Variants in CADPS observed in about 807,000 individuals in gnomAD.
The protein encoded by CADPS is calcium dependent secretion activator, also known as calcium-dependent secretion activator 1.
In CADPS, 57 loss-of-function variants were observed where a neutral mutation model predicts 167.3. The observed-to-expected ratio is 0.34, with a 90% CI of 0.28 to 0.42. CADPS has a LOEUF of 0.42. Among genes scored for constraint, CADPS ranks in the 20% least tolerant of loss-of-function variants. The pLI, the probability that CADPS is intolerant of heterozygous loss-of-function variation, is 1.00. For synonymous variants in CADPS, 676 were observed against 635.3 expected, an observed-to-expected ratio of 1.06 and a Z score of -0.96; for missense variants, 1,414 against 1,738.1, an observed-to-expected ratio of 0.81 and a Z score of 3.32.
chr3:62,471,947 A>G (rs2060674157), intron 24 of CADPS, among the ~76,000 whole-genome samples: 2 of 152,224 alleles, frequency 1.3e-5, no homozygotes, highest in Admixed American at 1.3e-4. Context: ...AAAGACAAAT[A>G]ACCCAATTTT....
chr3:62,636,272 T>C (rs2149816251), intron 6 of CADPS, among the ~76,000 whole-genome samples: 1 of 152,304 alleles, frequency 6.6e-6, no homozygotes, highest in African/African-American at 2.4e-5. Flanking sequence ...ACAGGTGAGA[T>C]TCAAAGTAGG....
At chr3:62,859,309 A>T (rs2080312832) in intron 1 of CADPS, among the ~76,000 whole-genome samples, 1 of 152,186 alleles carries the variant, frequency 6.6e-6, no homozygotes, top group Admixed American at 6.6e-5. Context: ...TTCTTTAGTG[A>T]TAAGTAATGG....
intron 3 of CADPS, among the ~76,000 whole-genome samples, chr3:62,665,328 G>A (rs1297146096): frequency 6.6e-6 from 1 of 152,108 alleles, no homozygotes; most frequent in Admixed American, 6.5e-5. Context: ...AAAAATCACA[G>A]AGCAGTTTGG....
At chr3:62,657,428 G>T (rs894734469) in intron 4 of CADPS, among the ~76,000 whole-genome samples, 2 of 152,072 alleles carry the variant, frequency 1.3e-5, no homozygotes, top group Non-Finnish European at 2.9e-5. Flanking sequence ...AAAAGAACTG[G>T]CAAATATCAC....
intron 3 of CADPS, among the ~76,000 whole-genome samples, chr3:62,721,998 G>T (rs1177910648): frequency 6.6e-6 from 1 of 152,176 alleles, no homozygotes; most frequent in Non-Finnish European, 1.5e-5. Context: ...TAGCTGTCAG[G>T]TGCTAGAAAC....
intron 1 of CADPS, among the ~76,000 whole-genome samples, chr3:62,768,310 T>A (rs1262697313): frequency 6.6e-6 from 1 of 152,190 alleles, no homozygotes; most frequent in Non-Finnish European, 1.5e-5. Flanking sequence ...CAGGATTTCT[T>A]GCTCAGAATT....
At chr3:62,856,333 G>C (rs1048664789) in intron 1 of CADPS, among the ~76,000 whole-genome samples, 2 of 152,008 alleles carry the variant, frequency 1.3e-5, no homozygotes, top group Non-Finnish European at 2.9e-5. Context: ...AATAAATTGA[G>C]GCACATCAAA....
At chr3:62,542,179 A>G (rs952759249) in intron 11 of CADPS, among the ~76,000 whole-genome samples, 12 of 152,268 alleles carry the variant, frequency 7.9e-5, no homozygotes, top group African/African-American at 2.9e-4. Context: ...AGCTAGAGGT[A>G]GCTGTTTTAA....
chr3:62,513,801 G>C, intron 16 of CADPS: 1 of 744,212 alleles, frequency 1.3e-6, no homozygotes, highest in South Asian at 1.6e-5. Context: ...TAGCTCAAAG[G>C]AAAATAGCCA....
At chr3:62,569,673 G>A (rs1180453435) in intron 9 of CADPS, among the ~76,000 whole-genome samples, 1 of 152,190 alleles carries the variant, frequency 6.6e-6, no homozygotes, top group Non-Finnish European at 1.5e-5. Context: ...TGAGTATAAA[G>A]CACTCTAAAT....
At chr3:62,779,185 C>A in intron 1 of CADPS, 1 of 233,508 alleles carries the variant, frequency 4.3e-6, no homozygotes, top group East Asian at 1.3e-4. Context: ...TGCTTTCTTG[C>A]TAGATGCCTT....
intron 1 of CADPS, among the ~76,000 whole-genome samples, chr3:62,866,885 G>A (rs940553118): frequency 2.6e-5 from 4 of 151,972 alleles, no homozygotes; most frequent in Non-Finnish European, 5.9e-5. Context: ...CATGGATAAT[G>A]TCCCCAGGGT....
At chr3:62,639,180 C>T (rs147889617) in intron 6 of CADPS, among the ~76,000 whole-genome samples, 45 of 152,282 alleles carry the variant, frequency 3.0e-4, no homozygotes, top group African/African-American at 8.4e-4. Flanking sequence ...TCCCAACCTA[C>T]GTATCTTCTG....
chr3:62,641,346 C>A (rs1415762405), intron 6 of CADPS, among the ~76,000 whole-genome samples: 1 of 152,122 alleles, frequency 6.6e-6, no homozygotes, highest in African/African-American at 2.4e-5. Flanking sequence ...TAAAGGAGTG[C>A]CTTCTTTTTC....
chr3:62,456,921 C>G (rs541193900), intron 26 of CADPS, among the ~76,000 whole-genome samples: 2 of 152,226 alleles, frequency 1.3e-5, no homozygotes, highest in African/African-American at 4.8e-5. Flanking sequence ...TCGGCTCTCA[C>G]CAGCAGGTAG....
rs2074022804 is a variant in CADPS at position 62,532,985 on chromosome 3, C to T, written c.2177G>A (p.Arg726Gln). Residue 726 changes from arginine (R) to glutamine (Q), a missense_variant, in exon 13 of 30, where the codon CGA becomes CAA. Coordinates refer to ENST00000383710, the MANE Select transcript of CADPS (RefSeq NM_003716.4). ...CARNGVRGCHRHLCYLRDLLE... is the reference protein window; with the variant it reads ...CARNGVRGCHQHLCYLRDLLE... ...CAAGTCTCTGAGGTAGCAGAGATGT[C>T]GGTGACACCCCCGGACTCCATTTCG... 3 of 1,613,684 alleles carry T rather than the reference C, an allele frequency of 1.9e-6. No homozygotes were observed. The highest frequency in any genetic ancestry group is 2.5e-6 in the Non-Finnish European group (3 of 1,179,794).
intron 24 of CADPS, chr3:62,466,796 G>T: frequency 4.1e-6 from 1 of 241,074 alleles, no homozygotes; most frequent in South Asian, 5.3e-5. Context: ...AAACTGCTGG[G>T]GGTTGTGGCT....
chr3:62,852,373 C>G (rs1313232410), intron 1 of CADPS, among the ~76,000 whole-genome samples: 5 of 152,168 alleles, frequency 3.3e-5, no homozygotes, highest in Admixed American at 1.3e-4. Flanking sequence ...GTGTCGCTCA[C>G]ACTGGGAGCT....
At chr3:62,853,685 G>A (rs1209926443) in intron 1 of CADPS, among the ~76,000 whole-genome samples, 9 of 151,612 alleles carry the variant, frequency 5.9e-5, no homozygotes, top group Admixed American at 5.9e-4. Flanking sequence ...TGACAGCCAG[G>A]CCCAGTGGCT....
Sources: allele counts gnomAD v4.1 joint callset (sites outside exome capture counted in the v4.1 genomes callset), GRCh38; gene constraint gnomAD v4.1.1; transcripts MANE v1.5; gene names NCBI Gene and HGNC (gene_info 2026-07-23, HGNC 2026-07-21).